MARCHF11: variants seen among roughly 807,000 people sequenced by gnomAD.
The protein encoded by MARCHF11 is membrane associated ring-CH-type finger 11.
A neutral mutation model predicts 37.3 loss-of-function variants in MARCHF11; 29 were observed. That is an observed-to-expected ratio of 0.78 (90% CI 0.58 to 1.06). The LOEUF (loss-of-function observed/expected upper bound fraction) is 1.06, where lower values mean the gene tolerates loss of function less well. Ranked by LOEUF, MARCHF11 falls within the 50% of genes least tolerant of loss-of-function variation. The pLI is 0.00. For missense variants in MARCHF11, 482 were observed against 533.4 expected (o/e 0.90, Z 0.95); for synonymous variants, 233 against 228.0 (o/e 1.02, Z -0.20).
intron 2 of MARCHF11, among the ~76,000 whole-genome samples, chr5:16,119,617 G>A (rs1232215574): frequency 6.6e-6 from 1 of 151,864 alleles, no homozygotes; most frequent in Non-Finnish European, 1.5e-5. Context: ...AATCTCCAGA[G>A]CCATGATAAT....
At chr5:16,165,991 A>G (rs1161669600) in intron 2 of MARCHF11, among the ~76,000 whole-genome samples, 1 of 152,012 alleles carries the variant, frequency 6.6e-6, no homozygotes, top group East Asian at 1.9e-4. Flanking sequence ...TGTAAGGGAG[A>G]CTTGTCTTTT....
At chr5:16,082,878 G>A (rs566011657) in intron 3 of MARCHF11, among the ~76,000 whole-genome samples, 82 of 152,168 alleles carry the variant, frequency 5.4e-4, no homozygotes, top group African/African-American at 1.8e-3. Context: ...CCTATAACTC[G>A]CCTGCCATGT....
intron 3 of MARCHF11, among the ~76,000 whole-genome samples, chr5:16,088,224 G>A (rs1056589282): frequency 1.3e-5 from 2 of 152,134 alleles, no homozygotes; most frequent in African/African-American, 4.8e-5. Flanking sequence ...ATCCCTCCTG[G>A]TGTTCAACTA....
At chr5:16,148,538 TC>T (rs1391642738) in intron 2 of MARCHF11, among the ~76,000 whole-genome samples, 3 of 152,144 alleles carry the variant, frequency 2.0e-5, no homozygotes, top group African/African-American at 7.2e-5. Context: ...GGAATAAGCA[TC>T]TGACCCTTTC....
chr5:16,179,471 C>G lies in MARCHF11; in HGVS notation c.105G>C (p.Pro35=). Residue 35 remains proline, a synonymous_variant, in exon 1 of 4, where the codon CCG becomes CCC. Transcript: ENST00000332432. ...CGGGGACCGGGGCCGGCTCTCCCGG[C>G]GGCGGCGTCGGCGGCGGCGGCGGGG... ...QPPPPPPPTP[P]PGEPAPVPAA... 1.8e-6 allele frequency: 2 copies of G among 1,131,062 alleles called. No homozygotes were observed. Among genetic ancestry groups the G allele is most frequent in the Non-Finnish European group, 2.2e-6 (2 of 924,678 alleles). 70.1% of individuals were successfully genotyped at this position (1,131,062 alleles called of 1,614,324 possible).
At chr5:16,127,716 C>T (rs1232714788) in intron 2 of MARCHF11, among the ~76,000 whole-genome samples, 1 of 152,202 alleles carries the variant, frequency 6.6e-6, no homozygotes, top group Non-Finnish European at 1.5e-5. Flanking sequence ...TCCTAAGGCA[C>T]ATGCCTAGTA....
At chr5:16,080,669 C>T (rs929943060) in intron 3 of MARCHF11, among the ~76,000 whole-genome samples, 4 of 152,280 alleles carry the variant, frequency 2.6e-5, no homozygotes, top group African/African-American at 7.2e-5. Flanking sequence ...TTGCTCTTAG[C>T]GCCCCCACCC....
intron 2 of MARCHF11, among the ~76,000 whole-genome samples, chr5:16,100,455 G>A (rs1224091412): frequency 6.6e-6 from 1 of 152,228 alleles, no homozygotes; most frequent in Non-Finnish European, 1.5e-5. Context: ...ATTCCAGGAG[G>A]AGGAAAATTA....
At chr5:16,099,915 C>T (rs896449888) in intron 2 of MARCHF11, among the ~76,000 whole-genome samples, 2 of 152,062 alleles carry the variant, frequency 1.3e-5, no homozygotes, top group Admixed American at 1.3e-4. Context: ...GATGTGTACT[C>T]GGGAATGCTG....
chr5:16,074,951 AT>A (rs1419152344), intron 3 of MARCHF11, among the ~76,000 whole-genome samples: 1 of 152,218 alleles, frequency 6.6e-6, no homozygotes, highest in Non-Finnish European at 1.5e-5. Context: ...GTCTGCAGCC[AT>A]CGGCCTGGAC....
intron 2 of MARCHF11, among the ~76,000 whole-genome samples, chr5:16,145,388 C>T (rs1467410037): frequency 6.6e-6 from 1 of 152,170 alleles, no homozygotes; most frequent in Non-Finnish European, 1.5e-5. Context: ...CATGTGGGGA[C>T]CTTTCTCCCC....
At chr5:16,121,175 A>G (rs1433328329) in intron 2 of MARCHF11, among the ~76,000 whole-genome samples, 2 of 152,218 alleles carry the variant, frequency 1.3e-5, no homozygotes, top group Admixed American at 1.3e-4. Context: ...TTTCTGCCCA[A>G]CTATGATCCA....
intron 2 of MARCHF11, among the ~76,000 whole-genome samples, chr5:16,122,746 T>G (rs550297800): frequency 2.0e-5 from 3 of 152,200 alleles, no homozygotes; most frequent in African/African-American, 7.2e-5. Flanking sequence ...GGTAGTAAAG[T>G]GAGGAGTCGG....
At chr5:16,173,884 T>C (rs1738312972) in intron 2 of MARCHF11, among the ~76,000 whole-genome samples, 1 of 152,246 alleles carries the variant, frequency 6.6e-6, no homozygotes, top group African/African-American at 2.4e-5. Context: ...GGTAGCATTG[T>C]CATCTCCTTT....
intron 3 of MARCHF11, among the ~76,000 whole-genome samples, chr5:16,079,727 C>G (rs1736575755): frequency 6.6e-6 from 1 of 152,162 alleles, no homozygotes; most frequent in Admixed American, 6.5e-5. Context: ...CCACATTGTG[C>G]TTTTGTCTAA....
At chr5:16,072,755 T>C (rs1462115840) in intron 3 of MARCHF11, among the ~76,000 whole-genome samples, 1 of 152,102 alleles carries the variant, frequency 6.6e-6, no homozygotes, top group Non-Finnish European at 1.5e-5. Context: ...GGGGCTTGCA[T>C]TTCCTGGGAG....
At chr5:16,091,305 A>G (rs907162004) in intron 2 of MARCHF11, among the ~76,000 whole-genome samples, 4 of 152,182 alleles carry the variant, frequency 2.6e-5, no homozygotes. Flanking sequence ...ACCATTCTGT[A>G]AGTTTAATCT....
intron 2 of MARCHF11, among the ~76,000 whole-genome samples, chr5:16,125,619 CTGTGTGTGT>C (rs1001264464): frequency 2.1e-4 from 30 of 142,368 alleles, no homozygotes; most frequent in Non-Finnish European, 4.3e-4. Flanking sequence ...GGCACACTCT[CTGTGTGTGT>C]GTGTGTGTGT....
At chr5:16,108,624 G>A (rs933178151) in intron 2 of MARCHF11, among the ~76,000 whole-genome samples, 11 of 152,032 alleles carry the variant, frequency 7.2e-5, no homozygotes, top group African/African-American at 1.9e-4. Context: ...GCTTCCAGAC[G>A]CCCCAGCTGG....
Sources: allele counts gnomAD v4.1 joint callset (sites outside exome capture counted in the v4.1 genomes callset), GRCh38; gene constraint gnomAD v4.1.1; transcripts MANE v1.5; gene names NCBI Gene and HGNC (gene_info 2026-07-23, HGNC 2026-07-21).